LPAR1: variants seen among roughly 807,000 people sequenced by gnomAD.
LPAR1 encodes the protein lysophosphatidic acid receptor 1, also known as LPA receptor 1.
In LPAR1, 5 loss-of-function variants were observed where a neutral mutation model predicts 23.8. The ratio of observed to expected loss-of-function variants is 0.21; its 90% CI spans 0.11 to 0.44. The LOEUF (loss-of-function observed/expected upper bound fraction) is 0.44. LPAR1 is among the 20% of genes least tolerant of loss of function. The pLI, the probability that LPAR1 is intolerant of heterozygous loss-of-function variation, is 0.99. For synonymous variants in LPAR1, 160 were observed against 164.7 expected (o/e 0.97, Z 0.22); for missense variants, 311 against 482.8 (o/e 0.64, Z 3.33).
rs562958832 is a variant in LPAR1 at position 110,881,048 on chromosome 9, A to G, written c.794-5326T>C. ...GGGTGTATGTGGATGGCTTTTTGAG[A>G]TTAACGCTTTTTCTAAAAGAATAAC... On this transcript the variant is annotated intron_variant, in intron 5 of 5. Transcript: ENST00000683809. Among the ~76,000 whole-genome samples, 32 of 152,294 alleles carry G rather than the reference A, an allele frequency of 2.1e-4. No individual in the cohort carries two copies. In the South Asian group the frequency reaches 6.4e-3, roughly 31 times the overall value.
chr9:110,978,463 G>C, intron 2 of LPAR1, among the ~76,000 whole-genome samples: 1 of 152,076 alleles, frequency 6.6e-6, no homozygotes, highest in East Asian at 1.9e-4. Flanking sequence ...AACCTGGAAA[G>C]GACAAATTTA....
chr9:110,888,918 G>A (rs182029886), intron 5 of LPAR1, among the ~76,000 whole-genome samples: 180 of 152,280 alleles, frequency 1.2e-3, no homozygotes, highest in African/African-American at 4.2e-3. Context: ...ACAGTTCAGT[G>A]GAGTCATGAG....
At chr9:110,979,920 T>C (rs2096633852) in intron 2 of LPAR1, among the ~76,000 whole-genome samples, 1 of 152,108 alleles carries the variant, frequency 6.6e-6, no homozygotes, top group Non-Finnish European at 1.5e-5. Flanking sequence ...GAGATTTGGA[T>C]AACCAAGAGC....
intron 4 of LPAR1, among the ~76,000 whole-genome samples, chr9:110,968,577 C>T (rs1035265418): frequency 6.6e-6 from 1 of 152,182 alleles, no homozygotes; most frequent in Non-Finnish European, 1.5e-5. Context: ...TCCTCTAAAT[C>T]TTTTCTTGGG....
chr9:110,982,444 G>A (rs1318925727), intron 2 of LPAR1, among the ~76,000 whole-genome samples: 1 of 152,000 alleles, frequency 6.6e-6, no homozygotes, highest in Non-Finnish European at 1.5e-5. Flanking sequence ...CATGGACACA[G>A]GGAGGGGAAC....
intron 5 of LPAR1, among the ~76,000 whole-genome samples, chr9:110,938,007 T>C (rs1341838949): frequency 6.6e-6 from 1 of 152,186 alleles, no homozygotes; most frequent in Non-Finnish European, 1.5e-5. Context: ...GCATTTACTG[T>C]AGTGAATTCA....
intron 4 of LPAR1, among the ~76,000 whole-genome samples, chr9:110,954,243 C>A (rs1474932416): frequency 6.6e-6 from 1 of 152,050 alleles, no homozygotes; most frequent in East Asian, 1.9e-4. Context: ...GAAGACAGGT[C>A]TTTTGACATA....
intron 5 of LPAR1, among the ~76,000 whole-genome samples, chr9:110,876,002 T>C (rs1221856630): frequency 3.9e-5 from 6 of 152,136 alleles, no homozygotes; most frequent in South Asian, 2.1e-4. Context: ...TGATAAGCAA[T>C]TGAGATATGA....
At chr9:111,010,747 A>G (rs780527693) in intron 2 of LPAR1, among the ~76,000 whole-genome samples, 1 of 152,174 alleles carries the variant, frequency 6.6e-6, no homozygotes. Flanking sequence ...ACACACTTCC[A>G]TGTGACTTTA....
At chr9:110,982,629 AAAAAAT>A (rs2096694612) in intron 2 of LPAR1, among the ~76,000 whole-genome samples, 1 of 152,052 alleles carries the variant, frequency 6.6e-6, no homozygotes, top group South Asian at 2.1e-4. Flanking sequence ...GTATAATAAT[AAAAAAT>A]AAAAATAAAA....
intron 4 of LPAR1, among the ~76,000 whole-genome samples, chr9:110,942,582 T>C (rs934086071): frequency 6.6e-6 from 1 of 152,228 alleles, no homozygotes; most frequent in Non-Finnish European, 1.5e-5. Flanking sequence ...CTAGATAGGG[T>C]ATCATTGCCC....
chr9:110,905,418 T>C (rs949190733), intron 5 of LPAR1, among the ~76,000 whole-genome samples: 57 of 151,666 alleles, frequency 3.8e-4, no homozygotes, highest in Non-Finnish European at 7.2e-4. Context: ...TGATCTTGGC[T>C]CACTGCAACC....
rs748232820 is a variant in LPAR1, at chr9:110,941,778, T to G, written c.436A>C (p.Arg146=). 6.2e-7 allele frequency: 1 copy of G among 1,614,162 alleles called. No individual in the cohort carries two copies. Among genetic ancestry groups the G allele is most frequent in the Non-Finnish European group, 8.5e-7 (1 of 1,180,020 alleles). The change falls in exon 5 of 6, where the codon AGG becomes CGG. Residue 146 remains arginine (R), a synonymous_variant. Coordinates refer to ENST00000683809, the MANE Select transcript of LPAR1 (RefSeq NM_001351411.2). The surrounding 1 kb of genome is among the most constrained non-coding windows in gnomAD (Gnocchi z 6.1). ...VANLLAIAIE[R]HITVFRMQLH... Reference sequence around the variant, plus strand: ...TGCATGCGGAAAACCGTAATGTGCCTCTCGATTGCAATAGCCAGTAAGTTG... The same window carrying G: ...TGCATGCGGAAAACCGTAATGTGCCGCTCGATTGCAATAGCCAGTAAGTTG...
intron 5 of LPAR1, among the ~76,000 whole-genome samples, chr9:110,890,174 A>G (rs967048542): frequency 2.0e-5 from 3 of 152,204 alleles, no homozygotes; most frequent in Non-Finnish European, 2.9e-5. Context: ...ATTTGCCAAT[A>G]AATTTGAAAA....
At chr9:110,989,523 T>C (rs1043409451) in intron 2 of LPAR1, among the ~76,000 whole-genome samples, 6 of 152,188 alleles carry the variant, frequency 3.9e-5, no homozygotes, top group Admixed American at 3.3e-4. Context: ...GTTCTTGTAC[T>C]ATACATAAAG....
intron 4 of LPAR1, among the ~76,000 whole-genome samples, chr9:110,970,134 G>A (rs2096368182): frequency 6.6e-6 from 1 of 152,176 alleles, no homozygotes; most frequent in African/African-American, 2.4e-5. Context: ...CTCACCAGCT[G>A]ATAGGAGCTT....
intron 5 of LPAR1, among the ~76,000 whole-genome samples, chr9:110,877,544 T>C (rs1311028305): frequency 1.3e-5 from 2 of 152,208 alleles, no homozygotes; most frequent in Non-Finnish European, 2.9e-5. Flanking sequence ...GAATGCCTCT[T>C]GGGTTTCAGA....
intron 5 of LPAR1, among the ~76,000 whole-genome samples, chr9:110,904,387 GTCAC>G (rs1404070345): frequency 6.6e-6 from 1 of 152,136 alleles, no homozygotes. Context: ...GCCCCCATGT[GTCAC>G]TCAAAGTGGT....
At chr9:111,029,646 T>C (rs922498455) in intron 2 of LPAR1, among the ~76,000 whole-genome samples, 4 of 152,078 alleles carry the variant, frequency 2.6e-5, no homozygotes, top group African/African-American at 7.2e-5. Flanking sequence ...TGAAACTTGG[T>C]TTACCGTATT....
Sources: gnomAD v4.1 joint callset for allele counts (sites outside exome capture counted in the v4.1 genomes callset) on GRCh38, gnomAD v4.1.1 for gene constraint, Gnocchi (gnomAD v3.1) non-coding constraint, MANE v1.5 for transcripts, NCBI Gene and HGNC (gene_info 2026-07-23, HGNC 2026-07-21) for gene names.